The following NTM variants were observed in gnomAD, a reference collection of about 807,000 sequenced individuals.
NTM encodes the protein neurotrimin.
Under a neutral mutation model 42.1 loss-of-function variants are expected in NTM, and 13 were observed. The ratio of observed to expected loss-of-function variants is 0.31; its 90% CI spans 0.20 to 0.49. The LOEUF (loss-of-function observed/expected upper bound fraction) is 0.49. Ranked by LOEUF, NTM falls within the 20% of genes least tolerant of loss-of-function variation. The pLI is 0.99. For synonymous variants in NTM, 187 were observed against 179.2 expected, an observed-to-expected ratio of 1.04 and a Z score of -0.35; for missense variants, 373 against 452.8, an observed-to-expected ratio of 0.82 and a Z score of 1.60.
At chr11:131,839,434 G>T (rs770775634) in intron 1 of NTM, among the ~76,000 whole-genome samples, 1 of 152,176 alleles carries the variant, frequency 6.6e-6, no homozygotes, top group African/African-American at 2.4e-5. Context: ...TGAGTCGGGG[G>T]ACATCTGGGG....
chr11:132,275,738 A>G lies in NTM; in HGVS notation c.527-31951A>G, dbSNP rs577189698. Among the ~76,000 whole-genome samples the G allele has an allele frequency of 2.4e-4, 16 of 66,672 alleles. No homozygotes were observed. In the South Asian group the frequency reaches 8.5e-3, roughly 36 times the overall value. The allele number at this position is 66,672 out of a possible 152,430, so 43.7% of individuals were successfully genotyped here. On this transcript the variant is annotated intron_variant, in intron 4 of 8. Transcript: ENST00000683400. ...TGTATATATATACGTATATATACGTATATATATATGTGTATATATATATAT... is the reference window on the plus strand; with the variant it reads ...TGTATATATATACGTATATATACGTGTATATATATGTGTATATATATATAT...
chr11:132,013,873 G>A (rs2072802669), intron 2 of NTM, among the ~76,000 whole-genome samples: 2 of 152,080 alleles, frequency 1.3e-5, no homozygotes, highest in Non-Finnish European at 2.9e-5. Flanking sequence ...TATCATTTCT[G>A]TGTGTTGAGA....
intron 4 of NTM, among the ~76,000 whole-genome samples, chr11:132,275,734 A>G (rs1591677439): frequency 3.1e-5 from 2 of 63,494 alleles, no homozygotes; most frequent in East Asian, 3.5e-4. Context: ...ACGTATATAT[A>G]CGTATATATA....
At chr11:131,389,024 A>AAAAAAAAAAAAAAAAG (rs774146196) in intron 1 of NTM, among the ~76,000 whole-genome samples, 2 of 89,912 alleles carry the variant, frequency 2.2e-5, no homozygotes, top group Non-Finnish European at 4.3e-5. Flanking sequence ...AAAAAAAAAA[A>AAAAAAAAAAAAAAAAG]AAAAGAAAAG....
At chr11:131,898,522 CATTG>C (rs2052646607) in intron 1 of NTM, among the ~76,000 whole-genome samples, 1 of 152,176 alleles carries the variant, frequency 6.6e-6, no homozygotes, top group Non-Finnish European at 1.5e-5. Context: ...AATTGTGATT[CATTG>C]ATTATCTGTG....
chr11:131,471,146 G>A (rs146130507), intron 1 of NTM, among the ~76,000 whole-genome samples: 26 of 152,256 alleles, frequency 1.7e-4, no homozygotes, highest in East Asian at 1.5e-3. Flanking sequence ...AGTATTGTCA[G>A]CTCTTACTAA....
chr11:131,787,099 C>G (rs2089359988), intron 1 of NTM, among the ~76,000 whole-genome samples: 1 of 152,070 alleles, frequency 6.6e-6, no homozygotes, highest in Non-Finnish European at 1.5e-5. Context: ...TTAAGGTAAA[C>G]AGATTACTCT....
At chr11:132,046,980 C>T (rs1310074033) in intron 2 of NTM, among the ~76,000 whole-genome samples, 1 of 152,218 alleles carries the variant, frequency 6.6e-6, no homozygotes, top group Non-Finnish European at 1.5e-5. Context: ...GTCCTCATAG[C>T]AGCCCTAGGA....
chr11:131,554,921 A>C (rs896058045), intron 1 of NTM, among the ~76,000 whole-genome samples: 1 of 152,126 alleles, frequency 6.6e-6, no homozygotes, highest in Non-Finnish European at 1.5e-5. Context: ...TATTTTAATT[A>C]AACTTTTCAA....
chr11:131,424,911 G>A (rs1477227051), intron 1 of NTM, among the ~76,000 whole-genome samples: 2 of 140,364 alleles, frequency 1.4e-5, no homozygotes, highest in South Asian at 2.3e-4. Context: ...ACAGAGTCTC[G>A]CTCTGTCACC....
chr11:132,038,320 C>T (rs985635699), intron 2 of NTM, among the ~76,000 whole-genome samples: 1 of 152,176 alleles, frequency 6.6e-6, no homozygotes, highest in East Asian at 1.9e-4. Context: ...CAGCTGGCCC[C>T]GGCTGTGTGT....
intron 1 of NTM, among the ~76,000 whole-genome samples, chr11:131,679,011 A>G (rs2071940321): frequency 1.3e-5 from 2 of 152,212 alleles, no homozygotes; most frequent in South Asian, 2.1e-4. Flanking sequence ...AAAATAAAAA[A>G]TATCTCATTT....
chr11:131,872,078 C>A (rs1169340655), intron 1 of NTM, among the ~76,000 whole-genome samples: 1 of 152,152 alleles, frequency 6.6e-6, no homozygotes, highest in Non-Finnish European at 1.5e-5. Flanking sequence ...TGTGTCAGTG[C>A]CTCTAAGACA....
At chr11:131,459,421 G>A (rs917265492) in intron 1 of NTM, among the ~76,000 whole-genome samples, 3 of 152,096 alleles carry the variant, frequency 2.0e-5, no homozygotes, top group Admixed American at 1.3e-4. Flanking sequence ...GAAGTAATAC[G>A]ATAATACAGT....
chr11:132,242,951 A>T (rs1391264119), intron 4 of NTM, among the ~76,000 whole-genome samples: 3 of 152,128 alleles, frequency 2.0e-5, no homozygotes, highest in African/African-American at 7.2e-5. Context: ...GTATTTGAAA[A>T]CACATAAGGA....
intron 4 of NTM, among the ~76,000 whole-genome samples, chr11:132,266,609 A>G (rs896967666): frequency 3.9e-5 from 6 of 152,222 alleles, no homozygotes; most frequent in African/African-American, 1.4e-4. Flanking sequence ...AGAACTCAAG[A>G]GCTAGAAGGA....
chr11:132,218,174 C>T (rs1729994559), intron 4 of NTM, among the ~76,000 whole-genome samples: 1 of 152,128 alleles, frequency 6.6e-6, no homozygotes, highest in Admixed American at 6.5e-5. Context: ...AGAAAGACTT[C>T]CTCAGCAAAG....
At chr11:132,095,581 C>A (rs1321958000) in intron 2 of NTM, among the ~76,000 whole-genome samples, 1 of 152,172 alleles carries the variant, frequency 6.6e-6, no homozygotes, top group African/African-American at 2.4e-5. Flanking sequence ...GACATTGGGA[C>A]AAAGGCAGCT....
chr11:131,571,969 T>C (rs1051355803), intron 1 of NTM, among the ~76,000 whole-genome samples: 4 of 152,196 alleles, frequency 2.6e-5, no homozygotes, highest in African/African-American at 9.7e-5. Context: ...AGGCGAACAA[T>C]TTGAAACAAC....
Sources: gnomAD v4.1 joint callset for allele counts (sites outside exome capture counted in the v4.1 genomes callset) on GRCh38, gnomAD v4.1.1 for gene constraint, MANE v1.5 for transcripts, NCBI Gene and HGNC (gene_info 2026-07-23, HGNC 2026-07-21) for gene names.